ESF1: variants seen among roughly 807,000 people sequenced by gnomAD.
ESF1 encodes ESF1 homolog.
ESF1 carries 58 observed loss-of-function variants against 92.0 expected under a neutral mutation model. The observed-to-expected ratio is 0.63, with a 90% confidence interval of 0.51 to 0.78. The LOEUF is 0.78. Among genes scored for constraint, ESF1 ranks in the 30% least tolerant of loss-of-function variants. The pLI, the probability that ESF1 is intolerant of heterozygous loss-of-function variation, is 0.00. For synonymous variants in ESF1, 321 were observed against 313.7 expected (o/e 1.02, Z -0.24); for missense variants, 922 against 989.1 (o/e 0.93, Z 0.91).
chr20:13,770,828 G>GTGA (rs1555826229), intron 6 of ESF1, among the ~76,000 whole-genome samples: 2 of 152,214 alleles, frequency 1.3e-5, no homozygotes, highest in Non-Finnish European at 2.9e-5. Context: ...AGAACTTTCT[G>GTGA]TGACAAGGGC....
chr20:13,769,772 C>T (rs1305590424), intron 7 of ESF1, 135 bp downstream of exon 7: 7 of 668,414 alleles, frequency 1.0e-5, no homozygotes, highest in African/African-American at 5.5e-5. Flanking sequence ...GGTGAGAGAG[C>T]GAGACTCTGT....
At chr20:13,716,788 G>GCGC (rs1355275010) in intron 13 of ESF1, among the ~76,000 whole-genome samples, 1 of 125,208 alleles carries the variant, frequency 8.0e-6, no homozygotes, top group Non-Finnish European at 1.7e-5. Context: ...CTACAGGTGT[G>GCGC]CGCCACTATA....
At chr20:13,734,336 T>G (rs1482649678) in intron 9 of ESF1, among the ~76,000 whole-genome samples, 1 of 152,184 alleles carries the variant, frequency 6.6e-6, no homozygotes, top group Non-Finnish European at 1.5e-5. Flanking sequence ...GAACAAAAAT[T>G]GTTTAGTAAG....
Position 13,733,796 on chromosome 20 carries a change from T to C in ESF1, c.1875A>G (p.Gly625=). The change falls in exon 10 of 14, where the codon GGA becomes GGG. Residue 625 remains glycine (G), a synonymous_variant. Transcript: ENST00000617257. ...AEEMVKNKLE[G]KDKLTPWEQF... is the part of the protein sequence containing the mutation. Reference sequence around the variant, plus strand: ...GTTCCCAAGGGGTCAGTTTATCCTTTCCTTCCAATTTGTTTTTGACCATCT... The same window carrying C: ...GTTCCCAAGGGGTCAGTTTATCCTTCCCTTCCAATTTGTTTTTGACCATCT... 1 of 1,613,070 alleles carries C rather than the reference T, an allele frequency of 6.2e-7. No homozygotes were observed. The highest frequency in any genetic ancestry group is 8.5e-7 in the Non-Finnish European group (1 of 1,179,802).
At chr20:13,755,684 T>C (rs936384193) in intron 9 of ESF1, among the ~76,000 whole-genome samples, 1 of 152,226 alleles carries the variant, frequency 6.6e-6, no homozygotes, top group Non-Finnish European at 1.5e-5. Flanking sequence ...TCCTAATTAA[T>C]AAAATTGTAT....
At chr20:13,759,054 A>G (rs4518028) in intron 9 of ESF1, among the ~76,000 whole-genome samples, 23,339 of 152,196 alleles carry the variant, frequency 0.15, 2,258 homozygotes, top group East Asian at 0.42. Context: ...TATGAATATA[A>G]TCTCTCTTCC....
chr20:13,782,698 A>G lies in ESF1; in HGVS notation c.443T>C (p.Ile148Thr), dbSNP rs1390298885. The change falls in exon 2 of 14, where the codon ATA (isoleucine) becomes ACA (threonine). Residue 148 changes from isoleucine (I) to threonine (T), a missense_variant. Transcript: ENST00000617257. Reference sequence around the variant, plus strand: ...CTTCTTCGGACTTATGTTTGAATCTATCTTAAATTTACATGAGGTTTTCAT... The same window carrying G: ...CTTCTTCGGACTTATGTTTGAATCTGTCTTAAATTTACATGAGGTTTTCAT... ...KKMKTSCKFK[I>T]DSNISPKKDS... 1.3e-6 allele frequency: 2 copies of G among 1,586,710 alleles called. No individual in the cohort carries two copies. Among genetic ancestry groups the G allele is most frequent in the South Asian group, 1.2e-5 (1 of 84,308 alleles).
chr20:13,775,233 T>C lies in ESF1; in HGVS notation c.1073A>G (p.Asp358Gly). 1 of 1,610,888 alleles carries C rather than the reference T, an allele frequency of 6.2e-7. No individual in the cohort carries two copies. Among genetic ancestry groups the C allele is most frequent in the Non-Finnish European group, 8.5e-7 (1 of 1,179,060 alleles). Reference sequence around the variant, plus strand: ...CAGCAAATCTTTTGCCTTTAATCTATCCCAGTCCATGTTACAAACTGCTAA... The same window carrying C: ...CAGCAAATCTTTTGCCTTTAATCTACCCCAGTCCATGTTACAAACTGCTAA... ...RRLAVCNMDW[D>G]RLKAKDLLAL... Residue 358 changes from aspartate to glycine, a missense_variant, in exon 4 of 14, where the codon GAT becomes GGT. Physicochemically the swap from Asp to Gly is moderately conservative, Grantham distance 94 (BLOSUM62 -1). Transcript: ENST00000617257.
At position 13,717,500 on chromosome 20, in the gene ESF1, C is replaced by T. The variant is rs768399293; in HGVS notation, c.2130G>A (p.Leu710=). 3.7e-6 allele frequency: 6 copies of T among 1,613,800 alleles called. No homozygotes were observed. The highest frequency in any genetic ancestry group is 4.2e-6 in the Non-Finnish European group (5 of 1,180,014). The part of the protein sequence containing the change: ...EIERQKAEMA[L]LMMDEDEDSK... ...TGTCCTCGTCCTCATCCATCATAAGCAAAGCCATTTCAGCCTGTAGAGAGC... is the reference window on the plus strand; with the variant it reads ...TGTCCTCGTCCTCATCCATCATAAGTAAAGCCATTTCAGCCTGTAGAGAGC... The change falls in exon 13 of 14, where the codon TTG becomes TTA. Residue 710 remains leucine (L), a synonymous_variant. Coordinates refer to ENST00000617257, the MANE Select transcript of ESF1 (RefSeq NM_001276380.2).
intron 9 of ESF1, among the ~76,000 whole-genome samples, chr20:13,739,500 A>G (rs2049997372): frequency 1.3e-5 from 2 of 152,160 alleles, no homozygotes; most frequent in African/African-American, 4.8e-5. Flanking sequence ...TGTAATCACA[A>G]TGTACACAAT....
chr20:13,778,324 T>C (rs371562946), intron 2 of ESF1, among the ~76,000 whole-genome samples: 2 of 151,824 alleles, frequency 1.3e-5, no homozygotes, highest in African/African-American at 4.8e-5. Flanking sequence ...AAACACAACA[T>C]TGAAAGTTAC....
intron 2 of ESF1, among the ~76,000 whole-genome samples, chr20:13,781,406 C>G (rs966762637): frequency 3.3e-5 from 5 of 152,084 alleles, no homozygotes; most frequent in Admixed American, 2.6e-4. Context: ...TTACCTGTTT[C>G]ATCTTACTTT....
chr20:13,720,782 G>GT (rs2049862726), intron 11 of ESF1, among the ~76,000 whole-genome samples: 1 of 152,162 alleles, frequency 6.6e-6, no homozygotes, highest in African/African-American at 2.4e-5. Context: ...GCTGTTCACT[G>GT]TATTATTCTC....
At position 13,782,671 on chromosome 20, in the gene ESF1, T is replaced by C; in HGVS notation, c.470A>G (p.Asp157Gly). The change falls in exon 2 of 14, where the codon GAT becomes GGT. Residue 157 changes from aspartate to glycine, a missense_variant. Physicochemically the swap from Asp to Gly is moderately conservative, Grantham distance 94. Coordinates refer to ENST00000617257, the MANE Select transcript of ESF1 (RefSeq NM_001276380.2). Reference protein sequence around the residue: ...KIDSNISPKKDSKEFTQKNKK... With the variant: ...KIDSNISPKKGSKEFTQKNKK... ...ATTTTTTTGTGTAAATTCTTTGCTA[T>C]CCTTCTTCGGACTTATGTTTGAATC... 1 of 1,603,794 alleles carries C rather than the reference T, an allele frequency of 6.2e-7. No homozygotes were observed. The highest frequency in any genetic ancestry group is 8.5e-7 in the Non-Finnish European group (1 of 1,176,884).
chr20:13,780,063 A>G (rs1980109348), intron 2 of ESF1, among the ~76,000 whole-genome samples: 1 of 152,194 alleles, frequency 6.6e-6, no homozygotes, highest in Admixed American at 6.5e-5. Flanking sequence ...ACAGAAGATT[A>G]TATATGGAGC....
At chr20:13,770,251 G>C (rs1979623801) in intron 6 of ESF1, among the ~76,000 whole-genome samples, 1 of 152,214 alleles carries the variant, frequency 6.6e-6, no homozygotes, top group African/African-American at 2.4e-5. Context: ...TTAAAAGAAT[G>C]CTGTATAGAT....
intron 6 of ESF1, among the ~76,000 whole-genome samples, chr20:13,770,959 T>C (rs1055269384): frequency 1.3e-5 from 2 of 152,222 alleles, no homozygotes; most frequent in Admixed American, 6.5e-5. Flanking sequence ...CTGGATAGCA[T>C]GGATCTAGAG....
intron 13 of ESF1, among the ~76,000 whole-genome samples, chr20:13,716,984 AT>A (rs1300758236): frequency 1.3e-5 from 2 of 151,026 alleles, no homozygotes; most frequent in Admixed American, 1.3e-4. Context: ...CGCCTGGCTA[AT>A]TTTTTGTATT....
intron 4 of ESF1, among the ~76,000 whole-genome samples, chr20:13,774,338 A>T (rs1026281405): frequency 1.3e-5 from 2 of 152,192 alleles, no homozygotes; most frequent in Non-Finnish European, 2.9e-5. Flanking sequence ...TCATTGGCGC[A>T]TTTCAGATTT....
Sources: allele counts gnomAD v4.1 joint callset (sites outside exome capture counted in the v4.1 genomes callset), GRCh38; gene constraint gnomAD v4.1.1; transcripts MANE v1.5; gene names NCBI Gene and HGNC (gene_info 2026-07-23, HGNC 2026-07-21).